The following FARP2 variants were observed in gnomAD, a reference collection of about 807,000 sequenced individuals.
FARP2 encodes the protein FERM, ARHGEF and pleckstrin domain-containing protein 2.
FARP2 carries 111 observed loss-of-function variants against 130.5 expected under a neutral mutation model. That is an observed-to-expected ratio of 0.85 (90% CI 0.73 to 1.00). The LOEUF is 1.00. Ranked by LOEUF, FARP2 falls within the 50% of genes least tolerant of loss-of-function variation. The pLI is 0.00. For synonymous variants in FARP2, 504 were observed against 516.9 expected, an observed-to-expected ratio of 0.98 and a Z score of 0.34; for missense variants, 1,385 against 1,346.3, an observed-to-expected ratio of 1.03 and a Z score of -0.45.
At chr2:241,460,039 A>T (rs887842675) in intron 14 of FARP2, among the ~76,000 whole-genome samples, 2 of 152,144 alleles carry the variant, frequency 1.3e-5, no homozygotes, top group African/African-American at 4.8e-5. Flanking sequence ...AACAACATTC[A>T]GAGTTAGGAC....
At chr2:241,426,871 C>T (rs915429827) in intron 8 of FARP2, among the ~76,000 whole-genome samples, 4 of 152,126 alleles carry the variant, frequency 2.6e-5, no homozygotes, top group African/African-American at 9.7e-5. Flanking sequence ...TTTATTTCTC[C>T]TTTTATCATG....
At chr2:241,420,343 G>A (rs1187223729) in intron 8 of FARP2, among the ~76,000 whole-genome samples, 1 of 152,114 alleles carries the variant, frequency 6.6e-6, no homozygotes, top group Non-Finnish European at 1.5e-5. Flanking sequence ...GGAAAAGAGA[G>A]AAAATTATAT....
At chr2:241,414,158 G>A (rs151309544) in intron 7 of FARP2, among the ~76,000 whole-genome samples, 14 of 152,256 alleles carry the variant, frequency 9.2e-5, no homozygotes, top group Non-Finnish European at 1.6e-4. Flanking sequence ...ATTGGGAATC[G>A]CCTGGCACCC....
At chr2:241,445,390 C>G (rs1282897780) in intron 13 of FARP2, 3 of 152,220 alleles carry the variant, frequency 2.0e-5, no homozygotes, top group African/African-American at 7.2e-5. Context: ...GGCACCATGG[C>G]TTTAGAACCA....
At position 241,456,673 on chromosome 2, in the gene FARP2, G is replaced by A. The variant is rs1319934274; in HGVS notation, c.1412-74G>A. On this transcript the variant is annotated intron_variant, in intron 13 of 26. Transcript: ENST00000264042. ...GGCTGGCGGTTGAATGGTCAGGAGA[G>A]TAGTAGCGGCTCTAAGCCAGCCTCA... The A allele has an allele frequency of 6.8e-6, 10 of 1,475,208 alleles. No individual in the cohort carries two copies. In the Admixed American group the frequency reaches 1.4e-4, roughly 20 times the overall value. 91.4% of individuals were successfully genotyped at this position (1,475,208 alleles called of 1,614,324 possible). A position where few individuals can be genotyped will look rare whatever the true frequency, so the allele number is the denominator to read the frequency against.
intron 5 of FARP2, among the ~76,000 whole-genome samples, chr2:241,408,062 A>T (rs1040201584): frequency 6.6e-6 from 1 of 152,206 alleles, no homozygotes; most frequent in African/African-American, 2.4e-5. Context: ...TTAAAGATCA[A>T]TTCTTTATAG....
chr2:241,442,308 C>A (rs1353907132), intron 13 of FARP2: 1 of 456,640 alleles, frequency 2.2e-6, no homozygotes, highest in Non-Finnish European at 4.4e-6. Flanking sequence ...AGTTCTCTGA[C>A]ATCATCGACC....
At chr2:241,431,201 G>A (rs1330014388) in intron 8 of FARP2, among the ~76,000 whole-genome samples, 1 of 152,126 alleles carries the variant, frequency 6.6e-6, no homozygotes, top group African/African-American at 2.4e-5. Context: ...CAGTTGTTAA[G>A]TACATCTTTT....
In FARP2 at chr2:241,493,965, G is replaced by A. The variant is rs199932739; in HGVS notation, c.3048-43G>A. On this transcript the variant is annotated intron_variant, in intron 26 of 26. Coordinates refer to ENST00000264042, the MANE Select transcript of FARP2 (RefSeq NM_014808.4). ...GGGTTGTTCTTGGGACAGTGTCTGA[G>A]CACAAGATGGCTCACTGGTCTGATG... The A allele has an allele frequency of 1.3e-4, 155 of 1,223,218 alleles. 1 individual carries two copies. The highest frequency in any genetic ancestry group is 1.6e-4 in the Non-Finnish European group (146 of 919,186). The allele number at this position is 1,223,218 out of a possible 1,614,324, so 75.8% of individuals were successfully genotyped here. A position where few individuals can be genotyped will look rare whatever the true frequency, so the allele number is the denominator to read the frequency against.
intron 9 of FARP2, among the ~76,000 whole-genome samples, chr2:241,432,035 G>T (rs1375372704): frequency 6.6e-6 from 1 of 152,052 alleles, no homozygotes; most frequent in East Asian, 1.9e-4. Context: ...GTTCAGGCTG[G>T]TCTCGAACTC....
intron 21 of FARP2, among the ~76,000 whole-genome samples, chr2:241,485,394 T>TGGTCCTCCCTCCCTGG (rs2064726860): frequency 6.8e-6 from 1 of 147,890 alleles, no homozygotes; most frequent in Non-Finnish European, 1.5e-5. Context: ...TCCCTCCCTG[T>TGGTCCTCCCTCCCTGG]GGTCCTCCCT....
intron 15 of FARP2, 109 bp from the exon 16 acceptor site, chr2:241,463,226 T>C (rs1574875987): frequency 8.5e-7 from 1 of 1,178,042 alleles, no homozygotes; most frequent in Non-Finnish European, 1.2e-6. Context: ...TTGTAGGCGG[T>C]GACTGGAGGG....
rs753815735 is a variant in FARP2, at chr2:241,483,520, G to A, written c.2318G>A (p.Arg773Lys). 6 of 1,614,054 alleles carry A rather than the reference G, an allele frequency of 3.7e-6. No individual in the cohort carries two copies. The highest frequency in any genetic ancestry group is 1.6e-4 in the Middle Eastern group (1 of 6,084). Residue 773 changes from arginine (R) to lysine (K), a missense_variant, in exon 20 of 27, where the codon AGG becomes AAG. Physicochemically the swap from Arg to Lys is conservative, Grantham distance 26. Transcript: ENST00000264042. ...HKLTKKGLQQ[R>K]MFFLFSDMLL... ...CTCACCAAGAAGGGCCTGCAGCAGA[G>A]GATGTTTTTTCTGGTAGGTTCTCTC...
At chr2:241,392,537 C>T (rs932493623) in intron 2 of FARP2, among the ~76,000 whole-genome samples, 1 of 152,182 alleles carries the variant, frequency 6.6e-6, no homozygotes, top group African/African-American at 2.4e-5. Flanking sequence ...TTTTTGCCCA[C>T]ATCTCATGGT....
chr2:241,424,479 T>C (rs966784482), intron 8 of FARP2, among the ~76,000 whole-genome samples: 1 of 152,210 alleles, frequency 6.6e-6, no homozygotes, highest in African/African-American at 2.4e-5. Context: ...GGGAAATTTA[T>C]AGTACTAAAT....
At position 241,374,515 on chromosome 2, in the gene FARP2, C is replaced by G. The variant is rs112225823; in HGVS notation, c.183+1225C>G. ...TCTTTTGAGGAGTCAAGATGCCACA[C>G]AGAAAACAAAACTATTATTGAGCTG... is the stretch of plus-strand genomic sequence containing the variant. On this transcript the variant is annotated intron_variant, in intron 2 of 26. Transcript: ENST00000264042. 7.2e-5 allele frequency among the ~76,000 whole-genome samples: 11 copies of G among 152,124 alleles called. 1 individual carries two copies. The highest frequency in any genetic ancestry group is 2.7e-4 in the African/African-American group (11 of 41,492).
intron 13 of FARP2, chr2:241,456,502 G>T: frequency 2.2e-6 from 1 of 459,990 alleles, no homozygotes. Context: ...CTAGAGTCCG[G>T]GGAGGATCCA....
chr2:241,483,571 A>C (rs1446881591), intron 20 of FARP2, 38 bp downstream of exon 20: 1 of 1,579,216 alleles, frequency 6.3e-7, no homozygotes, highest in Non-Finnish European at 8.7e-7. Flanking sequence ...CTTCCCCCCG[A>C]GGGGGATGGG....
intron 2 of FARP2, among the ~76,000 whole-genome samples, chr2:241,402,919 C>T (rs2062232816): frequency 2.0e-5 from 1 of 48,860 alleles, no homozygotes; most frequent in Non-Finnish European, 3.7e-5. Flanking sequence ...TTTGTAGAGA[C>T]AGTGTTTTGC....
Sources: gnomAD v4.1 joint callset for allele counts (sites outside exome capture counted in the v4.1 genomes callset) on GRCh38, gnomAD v4.1.1 for gene constraint, MANE v1.5 for transcripts, NCBI Gene and HGNC (gene_info 2026-07-23, HGNC 2026-07-21) for gene names.